The following ARVCF variants were observed in gnomAD, a reference collection of about 807,000 sequenced individuals.
ARVCF encodes the protein ARVCF delta catenin family member.
In ARVCF, 66 loss-of-function variants were observed where a neutral mutation model predicts 90.9. That is an observed-to-expected ratio of 0.73 (90% CI 0.60 to 0.89). The LOEUF is 0.89. Among genes scored for constraint, ARVCF ranks in the 40% least tolerant of loss-of-function variants. The pLI, the probability that ARVCF is intolerant of heterozygous loss-of-function variation, is 0.00. For synonymous variants in ARVCF, 653 were observed against 603.4 expected (o/e 1.08, Z -1.21); for missense variants, 1,469 against 1,382.3 (o/e 1.06, Z -1.00).
chr22:19,980,382 C>T, intron 5 of ARVCF, 140 bp from the exon 6 acceptor site: 1 of 1,274,784 alleles, frequency 7.8e-7, no homozygotes, highest in Non-Finnish European at 1.0e-6. Flanking sequence ...TGGCCCGGAG[C>T]ATGGTGGGGA....
chr22:19,968,962 T>C (rs1363524376), downstream of ARVCF: 1 of 516,442 alleles, frequency 1.9e-6, no homozygotes, highest in East Asian at 3.3e-5. Context: ...AGCTATATTA[T>C]CTTATATACT....
chr22:19,966,669 G>A (rs537415012), downstream of ARVCF, among the ~76,000 whole-genome samples: 54 of 152,150 alleles, frequency 3.5e-4, no homozygotes, highest in African/African-American at 1.3e-3. Context: ...TCAAACTCCT[G>A]GCCTCAAGCG....
chr22:20,001,455 G>T (rs1261051332), intron 2 of ARVCF, among the ~76,000 whole-genome samples: 1 of 152,202 alleles, frequency 6.6e-6, no homozygotes, highest in Non-Finnish European at 1.5e-5. Context: ...CAGCTGGTAT[G>T]TGCCCTAGAA....
chr22:19,977,505 C>T lies in ARVCF; in HGVS notation c.1780G>A (p.Glu594Lys). Residue 594 changes from glutamate (E) to lysine (K), a missense_variant, in exon 9 of 20, where the codon GAG becomes AAG. Physicochemically the swap from Glu to Lys is moderately conservative, Grantham distance 56. Coordinates refer to ENST00000263207, the MANE Select transcript of ARVCF (RefSeq NM_001670.3). ...KEVPGADRYQEAEPGPLGSAV... is the reference protein window; with the variant it reads ...KEVPGADRYQKAEPGPLGSAV... ...CTGCCCAGGGGCCCGGGCTCGGCCT[C>T]CTGGTACCTGTCGGCCCCGGGCACC... is the stretch of plus-strand genomic sequence containing the variant. The T allele has an allele frequency of 1.3e-6, 2 of 1,599,398 alleles. No individual in the cohort carries two copies. Among genetic ancestry groups the T allele is most frequent in the Non-Finnish European group, 1.7e-6 (2 of 1,172,062 alleles).
chr22:20,013,932 G>A (rs188666449), intron 1 of ARVCF, among the ~76,000 whole-genome samples: 1 of 152,242 alleles, frequency 6.6e-6, no homozygotes, highest in East Asian at 1.9e-4. Flanking sequence ...GAGTGCGATG[G>A]CACAATCTTG....
At chr22:19,971,455 C>T (rs1942780387) in intron 18 of ARVCF, 120 bp from the exon 19 acceptor site, 4 of 1,253,242 alleles carry the variant, frequency 3.2e-6, no homozygotes, top group African/African-American at 1.5e-5. Context: ...CAGGACAGCA[C>T]AGGTAGCACC....
At chr22:19,977,327 A>G in intron 9 of ARVCF, 88 bp downstream of exon 9, 2 of 1,439,620 alleles carry the variant, frequency 1.4e-6, no homozygotes, top group Non-Finnish European at 1.8e-6. Flanking sequence ...TCTAGCCTCC[A>G]TGATGGGCTG....
At chr22:19,987,245 G>T (rs953110802) in intron 3 of ARVCF, 9 of 341,126 alleles carry the variant, frequency 2.6e-5, no homozygotes. Flanking sequence ...GCAGCCAATC[G>T]GGCGGGGCCG....
chr22:19,971,838 G>A (rs1410037403), intron 18 of ARVCF, 48 bp downstream of exon 18: 1 of 1,598,824 alleles, frequency 6.3e-7, no homozygotes. Flanking sequence ...GCAACCCCTA[G>A]ACACGGGGCC....
chr22:19,978,138 G>A (rs1490897385), intron 7 of ARVCF, 63 bp from the exon 8 acceptor site: 2 of 1,467,310 alleles, frequency 1.4e-6, no homozygotes, highest in Non-Finnish European at 1.8e-6. Context: ...CTCCACCCTG[G>A]CCTTGTGGGC....
At chr22:19,976,791 A>G in intron 9 of ARVCF, 68 bp from the exon 10 acceptor site, 3 of 1,530,346 alleles carry the variant, frequency 2.0e-6, no homozygotes, top group Non-Finnish European at 2.7e-6. Context: ...TCACCCCCCC[A>G]TGCCCTCCCG....
chr22:19,996,504 T>A (rs55966127), intron 2 of ARVCF, among the ~76,000 whole-genome samples: 7,598 of 152,328 alleles, frequency 0.05, 222 homozygotes, highest in South Asian at 0.084. Flanking sequence ...ACTTCTGTGC[T>A]TTTGTAATTT....
chr22:19,985,703 C>T (rs922855977), intron 3 of ARVCF, among the ~76,000 whole-genome samples: 5 of 137,456 alleles, frequency 3.6e-5, no homozygotes, highest in South Asian at 2.4e-4. Context: ...CCCAAACCAC[C>T]GGACTTCACA....
intron 2 of ARVCF, among the ~76,000 whole-genome samples, chr22:20,006,992 A>G (rs1363784706): frequency 6.6e-6 from 1 of 151,944 alleles, no homozygotes; most frequent in African/African-American, 2.4e-5. Context: ...AGTGGCTCAC[A>G]CCTGTAATCC....
intron 3 of ARVCF, among the ~76,000 whole-genome samples, chr22:19,987,803 C>A (rs765866992): frequency 1.3e-5 from 2 of 152,062 alleles, no homozygotes; most frequent in Non-Finnish European, 2.9e-5. Flanking sequence ...CTGCAGGGGA[C>A]CCCCACTTTG....
chr22:19,973,098 A>G (rs552266801), intron 14 of ARVCF, 21 bp downstream of exon 14: 2 of 1,232,712 alleles, frequency 1.6e-6, no homozygotes, highest in Middle Eastern at 2.3e-4. Context: ...TCCCCAAGCC[A>G]CCGACCCCGC....
chr22:19,966,877 C>T, downstream of ARVCF: 2 of 934,722 alleles, frequency 2.1e-6, no homozygotes, highest in Non-Finnish European at 2.6e-6. Context: ...GAGGGTGGGC[C>T]AGATGAAAAC....
chr22:20,001,679 TG>T (rs1264948149), intron 2 of ARVCF, among the ~76,000 whole-genome samples: 2 of 152,142 alleles, frequency 1.3e-5, no homozygotes, highest in East Asian at 3.8e-4. Flanking sequence ...TGGTGGTGCA[TG>T]CCTGTAATCC....
At chr22:20,003,717 T>C (rs962591961) in intron 2 of ARVCF, among the ~76,000 whole-genome samples, 6 of 152,112 alleles carry the variant, frequency 3.9e-5, no homozygotes, top group African/African-American at 1.4e-4. Flanking sequence ...AGAAGGAAAC[T>C]TTCTCAACAT....
Sources: allele counts gnomAD v4.1 joint callset (sites outside exome capture counted in the v4.1 genomes callset), GRCh38; gene constraint gnomAD v4.1.1; transcripts MANE v1.5; gene names NCBI Gene and HGNC (gene_info 2026-07-23, HGNC 2026-07-21).